The following ST6GALNAC3 variants were observed in gnomAD, a reference collection of about 807,000 sequenced individuals.
The protein encoded by ST6GALNAC3 is alpha-N-acetylgalactosaminide alpha-2,6-sialyltransferase 3.
ST6GALNAC3 carries 25 observed loss-of-function variants against 32.7 expected under a neutral mutation model. The observed-to-expected ratio is 0.76, with a 90% confidence interval of 0.56 to 1.07. The LOEUF is 1.07. ST6GALNAC3 is among the 50% of genes least tolerant of loss of function. ST6GALNAC3 has a pLI of 0.00. For synonymous variants in ST6GALNAC3, 129 were observed against 133.1 expected (o/e 0.97, Z 0.21); for missense variants, 355 against 382.4 (o/e 0.93, Z 0.60).
intron 1 of ST6GALNAC3, among the ~76,000 whole-genome samples, chr1:76,312,585 AT>A (rs1286322178): frequency 1.8e-3 from 271 of 151,772 alleles, no homozygotes; most frequent in African/African-American, 6.2e-3. Flanking sequence ...CAAAAAAAAA[AT>A]AAAAATAAAA....
At chr1:76,457,413 A>G (rs1367325231) in intron 3 of ST6GALNAC3, among the ~76,000 whole-genome samples, 2 of 152,134 alleles carry the variant, frequency 1.3e-5, no homozygotes, top group Admixed American at 1.3e-4. Context: ...CTAAGCCAAA[A>G]GAACAAAGCT....
At chr1:76,467,471 G>A (rs923549278) in intron 3 of ST6GALNAC3, among the ~76,000 whole-genome samples, 1 of 151,832 alleles carries the variant, frequency 6.6e-6, no homozygotes, top group African/African-American at 2.4e-5. Context: ...CCAACAACTG[G>A]GGATTAGTTA....
At chr1:76,261,247 G>A (rs967306394) in intron 1 of ST6GALNAC3, among the ~76,000 whole-genome samples, 1 of 152,058 alleles carries the variant, frequency 6.6e-6, no homozygotes, top group Non-Finnish European at 1.5e-5. Context: ...AATATAGTTT[G>A]GATACATTAT....
intron 3 of ST6GALNAC3, among the ~76,000 whole-genome samples, chr1:76,559,664 A>G (rs186449942): frequency 2.0e-5 from 3 of 152,322 alleles, no homozygotes; most frequent in Admixed American, 2.0e-4. Context: ...ACAACTATGT[A>G]CACAGAATAA....
chr1:76,466,944 G>A (rs1300969197), intron 3 of ST6GALNAC3, among the ~76,000 whole-genome samples: 1 of 151,950 alleles, frequency 6.6e-6, no homozygotes, highest in East Asian at 1.9e-4. Flanking sequence ...TAAACAATAA[G>A]ATCTAAAAAC....
At chr1:76,520,533 G>C (rs1053577966) in intron 3 of ST6GALNAC3, among the ~76,000 whole-genome samples, 1 of 151,830 alleles carries the variant, frequency 6.6e-6, no homozygotes, top group Admixed American at 6.6e-5. Context: ...ACCACCCATA[G>C]TTTTCTACTT....
At chr1:76,364,037 A>G (rs957397770) in intron 2 of ST6GALNAC3, among the ~76,000 whole-genome samples, 1 of 152,214 alleles carries the variant, frequency 6.6e-6, no homozygotes, top group African/African-American at 2.4e-5. Flanking sequence ...TTAGCTTCTT[A>G]TTGTAGATTG....
chr1:76,457,853 G>A (rs1234560472), intron 3 of ST6GALNAC3, among the ~76,000 whole-genome samples: 9 of 149,962 alleles, frequency 6.0e-5, no homozygotes, highest in Middle Eastern at 3.4e-3. Context: ...AACACCAAAA[G>A]CAATGGCAAC....
chr1:76,538,113 A>T (rs1570165554), intron 3 of ST6GALNAC3, among the ~76,000 whole-genome samples: 1 of 152,198 alleles, frequency 6.6e-6, no homozygotes, highest in Non-Finnish European at 1.5e-5. Flanking sequence ...CGACACAAAA[A>T]TCCTCAATAA....
At chr1:76,495,052 G>T (rs1051144910) in intron 3 of ST6GALNAC3, among the ~76,000 whole-genome samples, 1 of 152,096 alleles carries the variant, frequency 6.6e-6, no homozygotes, top group Admixed American at 6.6e-5. Flanking sequence ...CAGCAGATTG[G>T]ATGAGGCATC....
chr1:76,310,808 T>C (rs889669927), intron 1 of ST6GALNAC3, among the ~76,000 whole-genome samples: 16 of 152,190 alleles, frequency 1.1e-4, no homozygotes, highest in Non-Finnish European at 1.3e-4. Flanking sequence ...TATTTTATTG[T>C]GTCTTTACCC....
chr1:76,323,574 T>C (rs1647010245), intron 2 of ST6GALNAC3, among the ~76,000 whole-genome samples: 1 of 152,150 alleles, frequency 6.6e-6, no homozygotes, highest in South Asian at 2.1e-4. Context: ...TTTGTTGAAT[T>C]TACTACATGC....
chr1:76,297,630 T>G (rs1408436453), intron 1 of ST6GALNAC3, among the ~76,000 whole-genome samples: 1 of 152,044 alleles, frequency 6.6e-6, no homozygotes, highest in Admixed American at 6.6e-5. Context: ...ATTCATCTTT[T>G]TAATGAACAG....
At chr1:76,154,122 C>T (rs1291329793) in intron 1 of ST6GALNAC3, among the ~76,000 whole-genome samples, 1 of 152,104 alleles carries the variant, frequency 6.6e-6, no homozygotes, top group Admixed American at 6.5e-5. Context: ...GTCATTTCAC[C>T]CCTGGAATTT....
intron 2 of ST6GALNAC3, among the ~76,000 whole-genome samples, chr1:76,385,195 C>T (rs956099688): frequency 6.6e-6 from 1 of 152,058 alleles, no homozygotes; most frequent in Admixed American, 6.6e-5. Flanking sequence ...GATGGGCAAA[C>T]ATTACAAACA....
At chr1:76,439,021 G>A (rs1656360555) in intron 3 of ST6GALNAC3, among the ~76,000 whole-genome samples, 1 of 152,204 alleles carries the variant, frequency 6.6e-6, no homozygotes, top group Admixed American at 6.5e-5. Flanking sequence ...GTTATGATGA[G>A]TTAAAGTTTT....
chr1:76,256,165 A>G (rs896276893), intron 1 of ST6GALNAC3, among the ~76,000 whole-genome samples: 2 of 152,160 alleles, frequency 1.3e-5, no homozygotes, highest in African/African-American at 2.4e-5. Flanking sequence ...CTTCATGTAC[A>G]TCTGCACTGT....
intron 3 of ST6GALNAC3, among the ~76,000 whole-genome samples, chr1:76,606,191 T>C (rs1378856821): frequency 6.6e-6 from 1 of 152,114 alleles, no homozygotes; most frequent in African/African-American, 2.4e-5. Flanking sequence ...AGAAAAGCCA[T>C]TTGACCCAGC....
intron 3 of ST6GALNAC3, among the ~76,000 whole-genome samples, chr1:76,510,299 C>T (rs541025619): frequency 1.6e-4 from 25 of 152,046 alleles, no homozygotes; most frequent in Non-Finnish European, 2.8e-4. Context: ...AAAAATACTA[C>T]GTGTAAGATA....
Sources: gnomAD v4.1 joint callset for allele counts (sites outside exome capture counted in the v4.1 genomes callset) on GRCh38, gnomAD v4.1.1 for gene constraint, MANE v1.5 for transcripts, NCBI Gene and HGNC (gene_info 2026-07-23, HGNC 2026-07-21) for gene names.